NUDT1: variants seen among roughly 807,000 people sequenced by gnomAD.
NUDT1 encodes oxidized purine nucleoside triphosphate hydrolase.
In NUDT1, 16 loss-of-function variants were observed where a neutral mutation model predicts 11.3. That is an observed-to-expected ratio of 1.41 (90% CI 0.96 to 2.15). The LOEUF is 2.15. Among genes scored for constraint, NUDT1 ranks in the 30% most tolerant of loss-of-function variants. NUDT1 has a pLI of 0.00. For synonymous variants in NUDT1, 101 were observed against 84.4 expected (o/e 1.20, Z -1.08); for missense variants, 234 against 208.4 (o/e 1.12, Z -0.76).
In NUDT1 at chr7:2,244,688, A is replaced by G; in HGVS notation, c.114A>G (p.Lys38=). ...GCCGGTGGAATGGCTTTGGGGGCAA[A>G]GTGCAAGAAGGAGAGACCATCGAGG... is the stretch of plus-strand genomic sequence containing the variant. ...GAGRWNGFGG[K]VQEGETIEDG... is the part of the protein sequence containing the mutation. The change falls in exon 2 of 4, where the codon AAA becomes AAG. Residue 38 remains lysine, a synonymous_variant. Transcript: ENST00000356714. The G allele has an allele frequency of 6.2e-7, 1 of 1,613,174 alleles. No individual in the cohort carries two copies. The highest frequency in any genetic ancestry group is 8.5e-7 in the Non-Finnish European group (1 of 1,179,734).
In NUDT1 at chr7:2,250,978, C is replaced by G. The variant is rs753740991; in HGVS notation, c.448C>G (p.Leu150Val). 11 of 1,613,906 alleles carry G rather than the reference C, an allele frequency of 6.8e-6. No individual in the cohort carries two copies. In the South Asian group the frequency reaches 1.1e-4, roughly 16 times the overall value. Reference sequence around the variant, plus strand: ...TCAGGACACCATCCTGGACTACACACTCCGCGAGGTGGACACGGTCTAGCG... The same window carrying G: ...TCAGGACACCATCCTGGACTACACAGTCCGCGAGGTGGACACGGTCTAGCG... ...QGQDTILDYT[L>V]REVDTV The change falls in exon 4 of 4, where the codon CTC becomes GTC. Residue 150 changes from leucine (L) to valine (V), a missense_variant. Physicochemically the swap from Leu to Val is conservative, Grantham distance 32. Coordinates refer to ENST00000356714, the MANE Select transcript of NUDT1 (RefSeq NM_002452.4).
chr7:2,246,575 A>T (rs1794774175), intron 2 of NUDT1, among the ~76,000 whole-genome samples: 1 of 152,206 alleles, frequency 6.6e-6, no homozygotes, highest in South Asian at 2.1e-4. Context: ...GGTGACAAGC[A>T]AAGCACAGGC....
chr7:2,248,384 T>C (rs1794851491), intron 2 of NUDT1, among the ~76,000 whole-genome samples: 1 of 152,160 alleles, frequency 6.6e-6, no homozygotes. Context: ...GCAGCACCGC[T>C]GTGCCCAACA....
At chr7:2,244,451 T>TTCCCCCCCCCC in intron 1 of NUDT1, 112 bp from the exon 2 acceptor site, 1 of 981,626 alleles carries the variant, frequency 1.0e-6, no homozygotes, top group Non-Finnish European at 1.5e-6. Context: ...AGTTACAGCA[T>TTCCCCCCCCCC]ACCCCCCCGC....
Position 2,251,002 on chromosome 7 carries a change from C to CGG in NUDT1, c.*3_*4dup, listed in dbSNP as rs1795001724. ...ACTCCGCGAGGTGGACACGGTCTAG[C>CGG]GGGAGCCCAGGGCAGCCCCTGGGCA... On this transcript the variant is annotated 3_prime_UTR_variant, in exon 4 of 4. Coordinates refer to ENST00000356714, the MANE Select transcript of NUDT1 (RefSeq NM_002452.4). 6.2e-7 allele frequency: 1 copy of CGG among 1,613,604 alleles called. No individual in the cohort carries two copies. The highest frequency in any genetic ancestry group is 1.3e-5 in the African/African-American group (1 of 74,898).
intron 2 of NUDT1, among the ~76,000 whole-genome samples, chr7:2,249,011 T>C (rs1794874726): frequency 6.6e-6 from 1 of 152,248 alleles, no homozygotes; most frequent in South Asian, 2.1e-4. Context: ...TGGTTGTCTA[T>C]AACAAATATG....
intron 2 of NUDT1, 24 bp downstream of exon 2, chr7:2,244,750 A>G (rs764001916): frequency 2.5e-6 from 4 of 1,595,504 alleles, no homozygotes. Context: ...AGGTCTGGCC[A>G]TAGAACCGGC....
chr7:2,247,228 C>G (rs1406426843), intron 2 of NUDT1, among the ~76,000 whole-genome samples: 4 of 152,094 alleles, frequency 2.6e-5, no homozygotes, highest in African/African-American at 7.2e-5. Flanking sequence ...CTGGTTCCTG[C>G]TTTATCCACG....
rs571719616 is a variant in NUDT1 at position 2,242,492 on chromosome 7, G to A, written c.-13+236G>A. ...GGCGGAGGCTTGGGGGAGACCAGGA[G>A]TAAATCACAAAAATTTACTTTGGAA... On this transcript the variant is annotated intron_variant, in intron 1 of 3. Transcript: ENST00000356714. The A allele has an allele frequency of 5.6e-4, 248 of 443,258 alleles. 3 individuals are homozygous for A. The South Asian group carries it at 9.0e-3, about 16-fold the overall frequency. 27.5% of individuals were successfully genotyped at this position (443,258 alleles called of 1,614,324 possible).
At chr7:2,248,364 C>T (rs975366955) in intron 2 of NUDT1, among the ~76,000 whole-genome samples, 2 of 152,136 alleles carry the variant, frequency 1.3e-5, no homozygotes, top group Admixed American at 6.5e-5. Flanking sequence ...ACGCTCAGAA[C>T]GGGAGGTCAG....
chr7:2,250,058 T>C (rs1681977102), intron 3 of NUDT1, 56 bp downstream of exon 3: 1 of 1,601,650 alleles, frequency 6.2e-7, no homozygotes, highest in Non-Finnish European at 8.5e-7. Context: ...ATCTCCTGGC[T>C]GGGAGAAAGG....
chr7:2,248,179 C>T (rs1794842100), intron 2 of NUDT1: 1 of 152,274 alleles, frequency 6.6e-6, no homozygotes, highest in African/African-American at 2.4e-5. Flanking sequence ...CATAGCAAGA[C>T]CCTGTCTCTA....
At chr7:2,246,671 A>G (rs1049246142) in intron 2 of NUDT1, among the ~76,000 whole-genome samples, 3 of 152,164 alleles carry the variant, frequency 2.0e-5, no homozygotes, top group African/African-American at 7.2e-5. Context: ...TATTACACAA[A>G]CAGAGGGACC....
rs374666803 is a variant in NUDT1 at position 2,244,710 on chromosome 7, G to A, written c.136G>A (p.Glu46Lys). ...GGKVQEGETI[E>K]DGARRELQEE... ...CAAAGTGCAAGAAGGAGAGACCATC[G>A]AGGATGGGGCTAGGAGGTAAGGATG... The change falls in exon 2 of 4, where the codon GAG (glutamate) becomes AAG (lysine). Residue 46 changes from glutamate (E) to lysine (K), a missense_variant. Glu to Lys is a moderately conservative substitution (Grantham distance 56, BLOSUM62 1). Coordinates refer to ENST00000356714, the MANE Select transcript of NUDT1 (RefSeq NM_002452.4). 7.4e-5 allele frequency: 120 copies of A among 1,611,318 alleles called. No individual in the cohort carries two copies. Among genetic ancestry groups the A allele is most frequent in the Non-Finnish European group, 8.9e-5 (105 of 1,179,126 alleles).
At chr7:2,245,962 C>T (rs550817491) in intron 2 of NUDT1, among the ~76,000 whole-genome samples, 11 of 152,268 alleles carry the variant, frequency 7.2e-5, no homozygotes, top group African/African-American at 2.2e-4. Flanking sequence ...CGCAGCCACA[C>T]GGACACGTTC....
In NUDT1 at chr7:2,246,579, C is replaced by T. The variant is rs917552078; in HGVS notation, c.152+1853C>T. Among the ~76,000 whole-genome samples, 8 of 152,224 alleles carry T rather than the reference C, an allele frequency of 5.3e-5. No individual in the cohort carries two copies. In the East Asian group the frequency reaches 1.5e-3, roughly 29 times the overall value. On this transcript the variant is annotated intron_variant, in intron 2 of 3. Transcript: ENST00000356714. ...CTCGTCCTGCTGGTGACAAGCAAAG[C>T]ACAGGCCCCCTCGGCAGCCCTGCTT...
At position 2,250,815 on chromosome 7, in the gene NUDT1, C is replaced by A; in HGVS notation, c.299-14C>A. The A allele has an allele frequency of 1.9e-6, 3 of 1,613,998 alleles. No homozygotes were observed. The South Asian group carries it at 3.3e-5, about 18-fold the overall frequency. Reference sequence around the variant, plus strand: ...GGTTGCACCTCAGTGCCTCCTCTTCCCCCATTGGTACAGAAATGCGCCCAT... The same window carrying A: ...GGTTGCACCTCAGTGCCTCCTCTTCACCCATTGGTACAGAAATGCGCCCAT... On this transcript the variant is annotated splice_polypyrimidine_tract_variant and intron_variant, in intron 3 of 3. Transcript: ENST00000356714.
At chr7:2,250,588 G>T (rs1310063605) in intron 3 of NUDT1, among the ~76,000 whole-genome samples, 1 of 152,164 alleles carries the variant, frequency 6.6e-6, no homozygotes, top group Non-Finnish European at 1.5e-5. Context: ...CTCCCAAGTA[G>T]CTGGGACTAC....
At chr7:2,249,234 T>C in intron 2 of NUDT1, 1 of 155,624 alleles carries the variant, frequency 6.4e-6, no homozygotes, top group Non-Finnish European at 1.4e-5. Flanking sequence ...GTGGTCAGCC[T>C]GGGGACCAGA....
Sources: allele counts gnomAD v4.1 joint callset (sites outside exome capture counted in the v4.1 genomes callset), GRCh38; gene constraint gnomAD v4.1.1; transcripts MANE v1.5; gene names NCBI Gene and HGNC (gene_info 2026-07-23, HGNC 2026-07-21).